The following MPP2 variants were observed in gnomAD, a reference collection of about 807,000 sequenced individuals.
MPP2 encodes the protein MAGUK p55 scaffold protein 2, also known as MAGUK p55 subfamily member 2.
Under a neutral mutation model 58.5 loss-of-function variants are expected in MPP2, and 42 were observed. The ratio of observed to expected loss-of-function variants is 0.72; its 90% CI spans 0.56 to 0.93. MPP2 has a LOEUF of 0.93. MPP2 is among the 40% of genes least tolerant of loss of function. MPP2 has a pLI of 0.00. For missense variants in MPP2, 632 were observed against 760.4 expected, an observed-to-expected ratio of 0.83 and a Z score of 1.99; for synonymous variants, 300 against 307.8, an observed-to-expected ratio of 0.97 and a Z score of 0.26.
Position 43,876,493 on chromosome 17 carries a change from G to C in MPP2, c.*1314C>G, listed in dbSNP as rs574264435. On this transcript the variant is annotated 3_prime_UTR_variant, in exon 13 of 13. Coordinates refer to ENST00000269095, the MANE Select transcript of MPP2 (RefSeq NM_005374.5). Reference sequence around the variant, plus strand: ...AGGGTAGGGGGACAATAAGACAAGGGAGGAGACATCAGGAAAGGACCAGGG... The same window carrying C: ...AGGGTAGGGGGACAATAAGACAAGGCAGGAGACATCAGGAAAGGACCAGGG... 1.3e-5 allele frequency: 2 copies of C among 152,368 alleles called. No individual in the cohort carries two copies. Among genetic ancestry groups the C allele is most frequent in the South Asian group, 4.1e-4 (2 of 4,826 alleles). The allele number at this position is 152,368 out of a possible 1,614,324, so 9.4% of individuals were successfully genotyped here. A position where few individuals can be genotyped will look rare whatever the true frequency, so the allele number is the denominator to read the frequency against.
At chr17:43,884,225 G>C in intron 3 of MPP2, 1 of 653,544 alleles carries the variant, frequency 1.5e-6, no homozygotes, top group Middle Eastern at 2.8e-4. Flanking sequence ...GTTCACTCTT[G>C]TCCCAAAAGT....
In MPP2 at chr17:43,888,395, T is replaced by C. The variant is rs572939983; in HGVS notation, c.151-5040A>G. Among the ~76,000 whole-genome samples, 4 of 152,332 alleles carry C rather than the reference T, an allele frequency of 2.6e-5. No individual in the cohort carries two copies. In the East Asian group the frequency reaches 7.7e-4, roughly 29 times the overall value. ...GGTCTTCCACAGACCCCTATGTGACTTTCAGTCATTTAGCTTGGCCCAGCC... is the reference window on the plus strand; with the variant it reads ...GGTCTTCCACAGACCCCTATGTGACCTTCAGTCATTTAGCTTGGCCCAGCC... On this transcript the variant is annotated intron_variant, in intron 3 of 12. Transcript: ENST00000269095.
intron 3 of MPP2, chr17:43,884,256 TTC>T: frequency 1.6e-6 from 1 of 606,144 alleles, no homozygotes; most frequent in Non-Finnish European, 2.9e-6. Flanking sequence ...ATTTTATTTT[TTC>T]TGATTCAGGA....
intron 7 of MPP2, 32 bp downstream of exon 7, chr17:43,881,426 C>G: frequency 1.9e-6 from 3 of 1,614,014 alleles, no homozygotes; most frequent in Non-Finnish European, 2.5e-6. Flanking sequence ...ATGCACCATA[C>G]CTGGAGAGAT....
At chr17:43,878,058 G>T in intron 12 of MPP2, 75 bp from the exon 13 acceptor site, 2 of 1,474,872 alleles carry the variant, frequency 1.4e-6, no homozygotes, top group South Asian at 1.3e-5. Context: ...AGCTACAGCT[G>T]CCCCCACTCC....
chr17:43,878,689 A>T (rs949461711), intron 12 of MPP2, among the ~76,000 whole-genome samples: 4 of 152,184 alleles, frequency 2.6e-5, no homozygotes, highest in African/African-American at 9.7e-5. Context: ...TGGGGCCGGA[A>T]TGCTGCAGCA....
intron 2 of MPP2, among the ~76,000 whole-genome samples, chr17:43,902,632 C>G (rs2048140478): frequency 6.6e-6 from 1 of 152,134 alleles, no homozygotes; most frequent in African/African-American, 2.4e-5. Context: ...AGTTTAGGCC[C>G]TGGCTCACTC....
upstream of MPP2, among the ~76,000 whole-genome samples, chr17:43,908,309 G>A (rs1435351073): frequency 1.3e-5 from 2 of 152,248 alleles, no homozygotes; most frequent in Non-Finnish European, 2.9e-5. Flanking sequence ...GCTCTGTGCA[G>A]TGCGACTAGC....
chr17:43,880,947 G>A lies in MPP2; in HGVS notation c.989-95C>T, dbSNP rs966046413. The A allele has an allele frequency of 9.8e-6, 15 of 1,529,828 alleles. No homozygotes were observed. Among genetic ancestry groups the A allele is most frequent in the Middle Eastern group, 1.8e-4 (1 of 5,534 alleles). The allele number at this position is 1,529,828 out of a possible 1,614,324, so 94.8% of individuals were successfully genotyped here. ...TGAGGGCAAGAGGGCTTGGAACAGG[G>A]GAGCAGGGGGGAGTCGGGCAGGGCC... On this transcript the variant is annotated intron_variant, in intron 9 of 12. Transcript: ENST00000269095. The surrounding 1 kb of genome is among the most constrained non-coding windows in gnomAD (Gnocchi z 5.2).
chr17:43,900,576 C>T (rs1237250036), intron 2 of MPP2: 7 of 1,533,966 alleles, frequency 4.6e-6, no homozygotes, highest in African/African-American at 1.4e-5. Context: ...CCCGGGGACT[C>T]CCGGAGCGTC....
chr17:43,904,376 G>A (rs369346125), intron 2 of MPP2, 54 bp downstream of exon 2: 51 of 1,583,448 alleles, frequency 3.2e-5, no homozygotes, highest in African/African-American at 3.1e-4. Flanking sequence ...CTAAGTCCTC[G>A]CCTGGCACCC....
At position 43,877,184 on chromosome 17, in the gene MPP2, T is replaced by C. The variant is rs1443117062; in HGVS notation, c.*623A>G. ...GAGCAGCATCTGCCCTGCGACCCTGTCCCTTTCCAAAGGAGCTGGGAGCTG... is the reference window on the plus strand; with the variant it reads ...GAGCAGCATCTGCCCTGCGACCCTGCCCCTTTCCAAAGGAGCTGGGAGCTG... On this transcript the variant is annotated 3_prime_UTR_variant, in exon 13 of 13. Transcript: ENST00000269095. 1 of 152,848 alleles carries C rather than the reference T, an allele frequency of 6.5e-6. No homozygotes were observed. The highest frequency in any genetic ancestry group is 2.4e-5 in the African/African-American group (1 of 41,450). 9.5% of individuals were successfully genotyped at this position (152,848 alleles called of 1,614,324 possible).
intron 3 of MPP2, among the ~76,000 whole-genome samples, chr17:43,896,237 C>A (rs1453692301): frequency 2.0e-5 from 3 of 152,140 alleles, no homozygotes; most frequent in South Asian, 2.1e-4. Flanking sequence ...GTCTTCTCCC[C>A]ACCCTGACGC....
chr17:43,879,759 G>A lies in MPP2; in HGVS notation c.1353+23C>T. The stretch of plus-strand genomic sequence containing the variant: ...CAGCAGAGAGGACATTGGGCAGGCT[G>A]GGAAGGAGCAGAGTGGCGGTACCTG... On this transcript the variant is annotated intron_variant, in intron 11 of 12. Transcript: ENST00000269095. This position sits in a 1 kb window ranked among gnomAD's most constrained non-coding sequence, Gnocchi z 4.1. The A allele has an allele frequency of 1.2e-6, 2 of 1,611,832 alleles. No homozygotes were observed. The highest frequency in any genetic ancestry group is 1.7e-6 in the Non-Finnish European group (2 of 1,179,492).
At chr17:43,883,078 A>G (rs1390448595) in intron 4 of MPP2, 26 bp from the exon 5 acceptor site, 3 of 1,597,014 alleles carry the variant, frequency 1.9e-6, no homozygotes, top group South Asian at 1.1e-5. Context: ...AAGAGAAGGG[A>G]CAATGGGGCA....
In MPP2 at chr17:43,877,929, C is replaced by T. The variant is rs2046918296; in HGVS notation, c.1537G>A (p.Gly513Arg). 2 of 1,614,012 alleles carry T rather than the reference C, an allele frequency of 1.2e-6. No homozygotes were observed. The highest frequency in any genetic ancestry group is 1.7e-6 in the Non-Finnish European group (2 of 1,179,940). The change falls in exon 13 of 13, where the codon GGG becomes AGG. Residue 513 changes from glycine to arginine, a missense_variant. Transcript: ENST00000269095. ...ACCAGGCAGAGGTCAAAGTAGTGCC[C>T]GTAGCCCCGCTGGATGCGGCTGCTC... ...EESSRIQRGY[G>R]HYFDLCLVNS...
Position 43,880,430 on chromosome 17 carries a change from G to T in MPP2, c.1150+261C>A, listed in dbSNP as rs753411535. On this transcript the variant is annotated intron_variant, in intron 10 of 12. Coordinates refer to ENST00000269095, the MANE Select transcript of MPP2 (RefSeq NM_005374.5). This position sits in a 1 kb window ranked among gnomAD's most constrained non-coding sequence, Gnocchi z 5.2. ...ACAGCTGGGCACTCACTTTCTTCAT[G>T]GCTTTTAGCAAGTGAAACAAGAGAA... 1.5e-4 allele frequency among the ~76,000 whole-genome samples: 23 copies of T among 152,172 alleles called. No homozygotes were observed. The highest frequency in any genetic ancestry group is 1.2e-4 in the Non-Finnish European group (8 of 68,028).
chr17:43,896,404 T>C (rs1049721895), intron 3 of MPP2, among the ~76,000 whole-genome samples: 2 of 151,798 alleles, frequency 1.3e-5, no homozygotes, highest in African/African-American at 4.8e-5. Context: ...CTTGGAAAAC[T>C]TTCACCTCCT....
intron 2 of MPP2, among the ~76,000 whole-genome samples, chr17:43,901,821 A>G (rs1190168691): frequency 9.2e-5 from 14 of 152,070 alleles, no homozygotes; most frequent in Admixed American, 9.2e-4. Flanking sequence ...AGGGCCCCTG[A>G]CTCTACCCAA....
Sources: gnomAD v4.1 joint callset for allele counts (sites outside exome capture counted in the v4.1 genomes callset) on GRCh38, gnomAD v4.1.1 for gene constraint, Gnocchi (gnomAD v3.1) non-coding constraint, MANE v1.5 for transcripts, NCBI Gene and HGNC (gene_info 2026-07-23, HGNC 2026-07-21) for gene names.